Variants in SGCZ observed in about 807,000 individuals in gnomAD.
SGCZ encodes the protein sarcoglycan zeta.
In SGCZ, 40 loss-of-function variants were observed where a neutral mutation model predicts 41.3. That is an observed-to-expected ratio of 0.97 (90% CI 0.75 to 1.26). The LOEUF (loss-of-function observed/expected upper bound fraction) is 1.26. SGCZ is among the 50% of genes most tolerant of loss of function. The probability of loss-of-function intolerance (pLI) is 0.00; values close to 1 mark genes in which losing one functional copy is unlikely to be tolerated. For synonymous variants in SGCZ, 206 were observed against 137.5 expected (o/e 1.50, Z -3.49); for missense variants, 552 against 369.8 (o/e 1.49, Z -4.04).
Position 14,186,187 on chromosome 8 carries a change from G to C in SGCZ, c.425-21485C>G, listed in dbSNP as rs374747427. 2.0e-5 allele frequency among the ~76,000 whole-genome samples: 3 copies of C among 152,292 alleles called. No individual in the cohort carries two copies. The South Asian group carries it at 6.2e-4, about 32-fold the overall frequency. On this transcript the variant is annotated intron_variant, in intron 4 of 7. Coordinates refer to ENST00000382080, the MANE Select transcript of SGCZ (RefSeq NM_139167.4). The stretch of plus-strand genomic sequence containing the variant: ...GAAAGCTTGGCTAACATGCCGTCCA[G>C]TAAAACAGCTTAAAATCATTTTGAA...
intron 1 of SGCZ, among the ~76,000 whole-genome samples, chr8:14,574,889 A>G (rs1284752456): frequency 6.6e-6 from 1 of 152,216 alleles, no homozygotes; most frequent in Non-Finnish European, 1.5e-5. Context: ...AGCAACACTG[A>G]AAAAATATGA....
chr8:14,439,310 A>AATATATATAT (rs57569373), intron 2 of SGCZ, among the ~76,000 whole-genome samples: 10,789 of 142,390 alleles, frequency 0.076, 471 homozygotes, highest in Non-Finnish European at 0.11. Flanking sequence ...AGAAGAAAGA[A>AATATATATAT]ATATATATAT....
At chr8:14,775,883 T>C (rs914557189) in intron 1 of SGCZ, among the ~76,000 whole-genome samples, 1 of 152,010 alleles carries the variant, frequency 6.6e-6, no homozygotes, top group Admixed American at 6.6e-5. Context: ...GAGAAGTAAA[T>C]ACAATTCCAA....
intron 6 of SGCZ, among the ~76,000 whole-genome samples, chr8:14,106,547 T>C (rs898501916): frequency 2.0e-5 from 3 of 152,218 alleles, no homozygotes; most frequent in Non-Finnish European, 2.9e-5. Context: ...AATTTTATCA[T>C]AGGACTCTGA....
chr8:14,625,543 A>G (rs545839392), intron 1 of SGCZ, among the ~76,000 whole-genome samples: 1 of 152,294 alleles, frequency 6.6e-6, no homozygotes, highest in African/African-American at 2.4e-5. Flanking sequence ...GAGGACATTT[A>G]TCAATATCTG....
intron 6 of SGCZ, among the ~76,000 whole-genome samples, chr8:14,107,132 C>A (rs896968271): frequency 6.6e-6 from 1 of 151,870 alleles, no homozygotes; most frequent in African/African-American, 2.4e-5. Context: ...AGGAGAATGG[C>A]GTGAACCTGC....
At chr8:14,328,644 C>A (rs1802207172) in intron 2 of SGCZ, among the ~76,000 whole-genome samples, 1 of 151,842 alleles carries the variant, frequency 6.6e-6, no homozygotes, top group Non-Finnish European at 1.5e-5. Context: ...GAGAAACTAT[C>A]TTTGAACTTC....
intron 3 of SGCZ, among the ~76,000 whole-genome samples, chr8:14,239,452 C>G (rs1806892983): frequency 6.6e-6 from 1 of 152,114 alleles, no homozygotes; most frequent in East Asian, 1.9e-4. Context: ...CACTTTCTCT[C>G]AATATTTGTA....
intron 5 of SGCZ, among the ~76,000 whole-genome samples, chr8:14,124,200 T>G (rs951012563): frequency 6.6e-6 from 1 of 152,178 alleles, no homozygotes; most frequent in African/African-American, 2.4e-5. Context: ...ACCAAGAAAT[T>G]AATACAACCA....
At chr8:15,119,455 C>T (rs539607423) in intron 1 of SGCZ, among the ~76,000 whole-genome samples, 6 of 151,586 alleles carry the variant, frequency 4.0e-5, no homozygotes, top group East Asian at 1.9e-4. Context: ...ACTTGAGACC[C>T]GGAGGCACAC....
intron 2 of SGCZ, among the ~76,000 whole-genome samples, chr8:14,540,898 C>G (rs1313465517): frequency 6.6e-6 from 1 of 151,530 alleles, no homozygotes; most frequent in Non-Finnish European, 1.5e-5. Context: ...TTTGCCTTAA[C>G]TGTTCTTTAC....
intron 5 of SGCZ, among the ~76,000 whole-genome samples, chr8:14,117,184 T>C (rs1356527683): frequency 1.3e-5 from 2 of 152,104 alleles, no homozygotes; most frequent in Non-Finnish European, 2.9e-5. Context: ...GCATTAGAGA[T>C]GAGCATTAGA....
At chr8:14,209,334 C>A (rs185321887) in intron 4 of SGCZ, among the ~76,000 whole-genome samples, 161 of 152,110 alleles carry the variant, frequency 1.1e-3, no homozygotes, top group African/African-American at 3.5e-3. Flanking sequence ...GAGAGCTGTT[C>A]TGCTTTCTCT....
At chr8:14,159,496 A>T (rs1346281591) in intron 5 of SGCZ, among the ~76,000 whole-genome samples, 2 of 152,184 alleles carry the variant, frequency 1.3e-5, no homozygotes, top group African/African-American at 2.4e-5. Flanking sequence ...ATTCACCTGG[A>T]GACTTAAGGG....
intron 1 of SGCZ, among the ~76,000 whole-genome samples, chr8:15,214,156 T>C (rs1169797465): frequency 1.3e-5 from 2 of 152,048 alleles, no homozygotes; most frequent in East Asian, 3.9e-4. Flanking sequence ...TAATAATAAG[T>C]TAGGCACCAA....
At chr8:14,313,618 G>A (rs1459192251) in intron 3 of SGCZ, among the ~76,000 whole-genome samples, 2 of 152,094 alleles carry the variant, frequency 1.3e-5, no homozygotes, top group African/African-American at 4.8e-5. Flanking sequence ...TTACAGGTGT[G>A]GGCCACCATG....
At chr8:15,230,611 A>AT (rs1801911396) in intron 1 of SGCZ, among the ~76,000 whole-genome samples, 1 of 152,212 alleles carries the variant, frequency 6.6e-6, no homozygotes, top group South Asian at 2.1e-4. Flanking sequence ...CAAAAACGTC[A>AT]TTTTTGAGCC....
intron 1 of SGCZ, among the ~76,000 whole-genome samples, chr8:14,784,983 A>G (rs1402599055): frequency 7.1e-6 from 1 of 140,324 alleles, no homozygotes; most frequent in Non-Finnish European, 1.5e-5. Context: ...TATATTTTTT[A>G]TATATTATAT....
At chr8:14,946,732 GCAGAACAATCT>G (rs1295596190) in intron 1 of SGCZ, among the ~76,000 whole-genome samples, 4 of 147,708 alleles carry the variant, frequency 2.7e-5, no homozygotes, top group Non-Finnish European at 5.9e-5. Context: ...CTGGAGTGCA[GCAGAACAATCT>G]CAGCTCACTG....
Sources: allele counts gnomAD v4.1 joint callset (sites outside exome capture counted in the v4.1 genomes callset), GRCh38; gene constraint gnomAD v4.1.1; transcripts MANE v1.5; gene names NCBI Gene and HGNC (gene_info 2026-07-23, HGNC 2026-07-21).